The following SUMF1 variants were observed in gnomAD, a reference collection of about 807,000 sequenced individuals.
The protein encoded by SUMF1 is formylglycine-generating enzyme.
In SUMF1, 48 loss-of-function variants were observed where a neutral mutation model predicts 47.6. That is an observed-to-expected ratio of 1.01 (90% CI 0.80 to 1.28). The LOEUF (loss-of-function observed/expected upper bound fraction) is 1.28. Ranked by LOEUF, SUMF1 falls within the 50% of genes most tolerant of loss-of-function variation. The pLI, the probability that SUMF1 is intolerant of heterozygous loss-of-function variation, is 0.00. For missense variants in SUMF1, 571 were observed against 485.4 expected, an observed-to-expected ratio of 1.18 and a Z score of -1.66; for synonymous variants, 230 against 192.1, an observed-to-expected ratio of 1.20 and a Z score of -1.63.
At chr3:4,073,974 C>G (rs1022220329) in intron 8 of SUMF1, among the ~76,000 whole-genome samples, 6 of 152,154 alleles carry the variant, frequency 3.9e-5, no homozygotes, top group African/African-American at 1.4e-4. Flanking sequence ...GAAATCAGCT[C>G]TGGACCATGC....
At chr3:4,316,500 A>C in intron 8 of SUMF1, 1 of 1,598,820 alleles carries the variant, frequency 6.3e-7, no homozygotes, top group Non-Finnish European at 8.5e-7. Flanking sequence ...TGAAGAACTC[A>C]ATGTCAACCA....
chr3:4,177,630 CT>C (rs1694996280), intron 8 of SUMF1, among the ~76,000 whole-genome samples: 1 of 152,040 alleles, frequency 6.6e-6, no homozygotes, highest in Non-Finnish European at 1.5e-5. Flanking sequence ...ATTAAAAGAA[CT>C]AGAGAAGCAA....
chr3:4,347,409 A>G lies in SUMF1; in HGVS notation c.1014+28921T>C, dbSNP rs531507749. Among the ~76,000 whole-genome samples the G allele has an allele frequency of 3.2e-3, 491 of 152,350 alleles. 1 individual carries two copies. Among genetic ancestry groups the G allele is most frequent in the Non-Finnish European group, 5.7e-3 (391 of 68,038 alleles). On this transcript the variant is annotated intron_variant and NMD_transcript_variant, in intron 8 of 12. Coordinates refer to the SUMF1 transcript ENST00000448413. ...CAAATCAATAAACATAATCCATTAC[A>G]TAAACAGAACCAATGACAAAACCAC...
chr3:4,305,494 T>C (rs564561924), intron 8 of SUMF1, among the ~76,000 whole-genome samples: 4 of 152,310 alleles, frequency 2.6e-5, no homozygotes, highest in South Asian at 2.1e-4. Flanking sequence ...TCGGTCTTAG[T>C]TGATTATCTC....
intron 8 of SUMF1, among the ~76,000 whole-genome samples, chr3:4,250,839 G>C (rs546673511): frequency 4.6e-5 from 7 of 152,222 alleles, no homozygotes; most frequent in African/African-American, 1.7e-4. Context: ...CAGAAAAAAA[G>C]ATTACTTTCA....
At chr3:4,284,453 G>GAGC (rs1697590517) in intron 8 of SUMF1, among the ~76,000 whole-genome samples, 1 of 140,674 alleles carries the variant, frequency 7.1e-6, no homozygotes, top group Non-Finnish European at 1.6e-5. Flanking sequence ...GGAGGAGGAG[G>GAGC]AGGAGGAGGA....
At chr3:4,167,843 G>C (rs939214030) in intron 8 of SUMF1, among the ~76,000 whole-genome samples, 3 of 152,172 alleles carry the variant, frequency 2.0e-5, no homozygotes, top group African/African-American at 7.2e-5. Flanking sequence ...GATACAGGAG[G>C]AAGATAGAGC....
intron 8 of SUMF1, among the ~76,000 whole-genome samples, chr3:4,232,877 C>G (rs1559593882): frequency 1.3e-5 from 2 of 152,094 alleles, no homozygotes; most frequent in Non-Finnish European, 1.5e-5. Flanking sequence ...ACCAGGTTGC[C>G]AGACAAATCC....
intron 7 of SUMF1, among the ~76,000 whole-genome samples, chr3:4,379,978 A>G (rs1191446396): frequency 2.6e-5 from 4 of 152,166 alleles, no homozygotes; most frequent in African/African-American, 4.8e-5. Context: ...AATCAAAATT[A>G]ACAGTGTCTC....
chr3:4,125,091 A>C (rs942359471), intron 8 of SUMF1, among the ~76,000 whole-genome samples: 1 of 152,162 alleles, frequency 6.6e-6, no homozygotes, highest in Non-Finnish European at 1.5e-5. Context: ...ACAAAATAAA[A>C]TGTTAAATAC....
At chr3:4,186,689 C>A (rs1695207898) in intron 8 of SUMF1, among the ~76,000 whole-genome samples, 3 of 152,080 alleles carry the variant, frequency 2.0e-5, no homozygotes. Flanking sequence ...TTTTGGCTTG[C>A]ATACTAACTA....
intron 8 of SUMF1, among the ~76,000 whole-genome samples, chr3:4,208,903 T>A (rs1695713991): frequency 6.6e-6 from 1 of 152,096 alleles, no homozygotes; most frequent in South Asian, 2.1e-4. Flanking sequence ...TAGACTCAGA[T>A]TAATATTTTG....
At chr3:4,304,247 T>C (rs1432080509) in intron 8 of SUMF1, among the ~76,000 whole-genome samples, 1 of 152,226 alleles carries the variant, frequency 6.6e-6, no homozygotes, top group African/African-American at 2.4e-5. Context: ...GTTCAAGCGA[T>C]TCTCCTGCCT....
At chr3:4,237,229 C>G (rs1696429396) in intron 8 of SUMF1, among the ~76,000 whole-genome samples, 1 of 152,054 alleles carries the variant, frequency 6.6e-6, no homozygotes, top group Non-Finnish European at 1.5e-5. Flanking sequence ...AGTGGCTGTA[C>G]CATTTTGCAT....
intron 8 of SUMF1, among the ~76,000 whole-genome samples, chr3:4,132,637 T>C (rs758369329): frequency 1.3e-5 from 2 of 152,088 alleles, no homozygotes; most frequent in African/African-American, 2.4e-5. Flanking sequence ...GACGTCTTAG[T>C]TCCTGGGGGA....
chr3:4,340,838 T>C (rs1403727870), intron 8 of SUMF1, among the ~76,000 whole-genome samples: 6 of 152,242 alleles, frequency 3.9e-5, no homozygotes, highest in African/African-American at 1.4e-4. Context: ...TTGTAGAATA[T>C]GAGGGCCTCA....
chr3:4,094,880 C>T (rs17039868), intron 8 of SUMF1, among the ~76,000 whole-genome samples: 7,944 of 152,150 alleles, frequency 0.052, 554 homozygotes, highest in East Asian at 0.16. Context: ...TGTAGGCTGA[C>T]TCCAAGCCAT....
chr3:4,321,881 G>C (rs1044098478), intron 8 of SUMF1, among the ~76,000 whole-genome samples: 3 of 152,068 alleles, frequency 2.0e-5, no homozygotes, highest in Non-Finnish European at 2.9e-5. Context: ...GGGGAAACTT[G>C]ACAAATGACC....
chr3:4,087,912 TTTG>T (rs1291719297), intron 8 of SUMF1, among the ~76,000 whole-genome samples: 2 of 152,078 alleles, frequency 1.3e-5, no homozygotes, highest in African/African-American at 2.4e-5. Context: ...ATATTTTATT[TTTG>T]TTAACAGCCT....
Sources: gnomAD v4.1 joint callset for allele counts (sites outside exome capture counted in the v4.1 genomes callset) on GRCh38, gnomAD v4.1.1 for gene constraint, MANE v1.5 for transcripts, NCBI Gene and HGNC (gene_info 2026-07-23, HGNC 2026-07-21) for gene names.